SLC30A3: variants seen among roughly 807,000 people sequenced by gnomAD.
The protein encoded by SLC30A3 is probable proton-coupled zinc antiporter SLC30A3.
In SLC30A3, 20 loss-of-function variants were observed where a neutral mutation model predicts 35.6. That is an observed-to-expected ratio of 0.56 (90% CI 0.39 to 0.82). The LOEUF is 0.82. SLC30A3 is among the 40% of genes least tolerant of loss of function. The pLI is 0.00. For missense variants in SLC30A3, 401 were observed against 530.6 expected, an observed-to-expected ratio of 0.76 and a Z score of 2.40; for synonymous variants, 217 against 224.7, an observed-to-expected ratio of 0.97 and a Z score of 0.31.
At chr2:27,259,329 C>A (rs186783901) in intron 1 of SLC30A3, among the ~76,000 whole-genome samples, 8 of 152,274 alleles carry the variant, frequency 5.3e-5, no homozygotes, top group African/African-American at 1.9e-4. Flanking sequence ...CCCATCTCTA[C>A]TAAAAATGCA....
At chr2:27,272,214 A>AC (rs752130656) in intron 1 of SLC30A3, among the ~76,000 whole-genome samples, 4 of 152,128 alleles carry the variant, frequency 2.6e-5, no homozygotes, top group Admixed American at 6.5e-5. Context: ...CTCCCCTCTC[A>AC]CCTTTCTGTA....
In SLC30A3 at chr2:27,262,500, G is replaced by A. The variant is rs1044238737; in HGVS notation, c.95+312C>T. Among the ~76,000 whole-genome samples the A allele has an allele frequency of 8.6e-5, 13 of 151,976 alleles. No homozygotes were observed. Among genetic ancestry groups the A allele is most frequent in the East Asian group, 3.9e-4 (2 of 5,156 alleles). On this transcript the variant is annotated intron_variant, in intron 1 of 7. Coordinates refer to ENST00000233535, the MANE Select transcript of SLC30A3 (RefSeq NM_003459.5). This position sits in a 1 kb window ranked among gnomAD's most constrained non-coding sequence, Gnocchi z 7.5. ...ACCGGGCGAGGGCTCCGGCCCGACCGAGCGGCAGCTGCTCCCAGGGAAGGC... is the reference window on the plus strand; with the variant it reads ...ACCGGGCGAGGGCTCCGGCCCGACCAAGCGGCAGCTGCTCCCAGGGAAGGC...
At chr2:27,259,107 G>C in intron 1 of SLC30A3, 173 bp from the exon 2 acceptor site, 1 of 553,040 alleles carries the variant, frequency 1.8e-6, no homozygotes, top group East Asian at 3.1e-5. Flanking sequence ...AAATGAACAG[G>C]TCAGAGCCCA....
upstream of SLC30A3, chr2:27,263,184 A>G (rs1451213421): frequency 1.8e-5 from 16 of 900,484 alleles, no homozygotes; most frequent in Middle Eastern, 3.0e-4. Flanking sequence ...CCAAAGCCCC[A>G]TTTCCCCGCG....
At chr2:27,273,049 A>ATATAT (rs1454070626) in intron 1 of SLC30A3, among the ~76,000 whole-genome samples, 3 of 135,160 alleles carry the variant, frequency 2.2e-5, no homozygotes, top group Admixed American at 7.0e-5. Context: ...AAAAAAAAAA[A>ATATAT]AAATATATAT....
Position 27,255,229 on chromosome 2 carries a change from C to G in SLC30A3, c.*83G>C, listed in dbSNP as rs1676771003. 1.2e-6 allele frequency: 2 copies of G among 1,607,756 alleles called. No homozygotes were observed. The highest frequency in any genetic ancestry group is 1.3e-5 in the African/African-American group (1 of 74,996). On this transcript the variant is annotated 3_prime_UTR_variant, in exon 8 of 8. Coordinates refer to ENST00000233535, the MANE Select transcript of SLC30A3 (RefSeq NM_003459.5). This position sits in a 1 kb window ranked among gnomAD's most constrained non-coding sequence, Gnocchi z 5.2. ...GAAGGGGTATGGACCTGGCTCGGTC[C>G]CGTCTCTGTGATCAGGGCAGCAGAT...
At chr2:27,275,472 C>A, upstream of SLC30A3, 1 of 342,164 alleles carries the variant, frequency 2.9e-6, no homozygotes, top group Admixed American at 4.0e-5. Flanking sequence ...CAAGCGCAGT[C>A]AACTGCTGGA....
chr2:27,273,334 G>C (rs1275196726), intron 1 of SLC30A3, among the ~76,000 whole-genome samples: 1 of 152,166 alleles, frequency 6.6e-6, no homozygotes, highest in Non-Finnish European at 1.5e-5. Flanking sequence ...AGAGCCCAGA[G>C]CAAGTAGGAC....
At position 27,257,272 on chromosome 2, in the gene SLC30A3, C is replaced by T; in HGVS notation, c.659G>A (p.Gly220Glu). 6.2e-7 allele frequency: 1 copy of T among 1,614,026 alleles called. No individual in the cohort carries two copies. Among genetic ancestry groups the T allele is most frequent in the Non-Finnish European group, 8.5e-7 (1 of 1,179,964 alleles). Reference protein sequence around the residue: ...RGAEYAPLEEGPEEPLPLGNT... With the variant: ...RGAEYAPLEEEPEEPLPLGNT... Reference sequence around the variant, plus strand: ...CCCCAGGGGCAGGGGCTCTTCAGGCCCCTCCTCCAGCGGTGCATACTCTGC... The same window carrying T: ...CCCCAGGGGCAGGGGCTCTTCAGGCTCCTCCTCCAGCGGTGCATACTCTGC... The change falls in exon 5 of 8, where the codon GGG becomes GAG. Residue 220 changes from glycine (G) to glutamate (E), a missense_variant. Coordinates refer to ENST00000233535, the MANE Select transcript of SLC30A3 (RefSeq NM_003459.5). The surrounding 1 kb of genome is among the most constrained non-coding windows in gnomAD (Gnocchi z 4.7).
chr2:27,269,182 T>G (rs13028555), intron 1 of SLC30A3, among the ~76,000 whole-genome samples: 3 of 147,744 alleles, frequency 2.0e-5, no homozygotes, highest in African/African-American at 5.0e-5. Flanking sequence ...TAGAGTGTGG[T>G]TTTTTTTTTC....
Position 27,257,876 on chromosome 2 carries a change from C to T in SLC30A3, c.578+29G>A, listed in dbSNP as rs1225300603. On this transcript the variant is annotated intron_variant, in intron 4 of 7. Coordinates refer to ENST00000233535, the MANE Select transcript of SLC30A3 (RefSeq NM_003459.5). The surrounding 1 kb of genome is among the most constrained non-coding windows in gnomAD (Gnocchi z 4.7). ...GGAAGACCCCTCGCCCTGGGCCCCA[C>T]AAGGTGCCTGCTCCATACTGGGACG... 6.3e-7 allele frequency: 1 copy of T among 1,598,948 alleles called. No homozygotes were observed. Among genetic ancestry groups the T allele is most frequent in the Non-Finnish European group, 8.5e-7 (1 of 1,170,860 alleles).
intron 1 of SLC30A3, chr2:27,261,959 T>C (rs1677209112): frequency 1.3e-5 from 2 of 150,644 alleles, no homozygotes; most frequent in Admixed American, 1.3e-4. Flanking sequence ...AACAGAAAGA[T>C]TGAGAGAGGT....
At chr2:27,263,078 G>A (rs561793822), upstream of SLC30A3, 15 of 1,348,862 alleles carry the variant, frequency 1.1e-5, no homozygotes, top group Middle Eastern at 5.4e-4. Context: ...TGCAGATCCC[G>A]CTGCCGCCGG....
At chr2:27,265,705 G>A (rs1677467667), upstream of SLC30A3, among the ~76,000 whole-genome samples, 1 of 152,054 alleles carries the variant, frequency 6.6e-6, no homozygotes, top group East Asian at 1.9e-4. This position sits in a 1 kb window ranked among gnomAD's most constrained non-coding sequence, Gnocchi z 5.9. Flanking sequence ...CTTCTCTCAA[G>A]GCTCACACTG....
rs1455016710 is a variant in SLC30A3 at position 27,258,403 on chromosome 2, T to C, written c.278-96A>G. 7.7e-7 allele frequency: 1 copy of C among 1,296,730 alleles called. No individual in the cohort carries two copies. Among genetic ancestry groups the C allele is most frequent in the Non-Finnish European group, 1.0e-6 (1 of 968,280 alleles). 80.3% of individuals were successfully genotyped at this position (1,296,730 alleles called of 1,614,324 possible). On this transcript the variant is annotated intron_variant, in intron 2 of 7. Coordinates refer to ENST00000233535, the MANE Select transcript of SLC30A3 (RefSeq NM_003459.5). The surrounding 1 kb of genome is among the most constrained non-coding windows in gnomAD (Gnocchi z 4.0). The stretch of plus-strand genomic sequence containing the variant: ...TAAATTGGGGGATATACACCAAAAA[T>C]GTGATTTGGGGTTTTCTCAGGTGAT...
At chr2:27,264,236 A>T, upstream of SLC30A3, 1 of 415,120 alleles carries the variant, frequency 2.4e-6, no homozygotes, top group South Asian at 1.8e-5. The surrounding 1 kb of genome is among the most constrained non-coding windows in gnomAD (Gnocchi z 6.1). Flanking sequence ...GAAACTCATC[A>T]GCCGCATCCT....
rs776981477 is a variant in SLC30A3, at chr2:27,261,838, T to C, written c.95+974A>G. 4.1e-4 allele frequency among the ~76,000 whole-genome samples: 62 copies of C among 151,682 alleles called. 1 individual carries two copies. Among genetic ancestry groups the C allele is most frequent in the Non-Finnish European group, 7.4e-5 (5 of 67,938 alleles). On this transcript the variant is annotated intron_variant, in intron 1 of 7. Transcript: ENST00000233535. ...GCCCCTGCAGGAAGGGGTCCAGCTC[T>C]CTTCTGCTCACCCCCTCCCCCAACC...
chr2:27,263,556 A>T (rs1373422886), upstream of SLC30A3: 1 of 267,250 alleles, frequency 3.7e-6, no homozygotes, highest in Non-Finnish European at 7.8e-6. Context: ...TGGGGTCGGA[A>T]TTCACGAGCC....
chr2:27,275,047 G>C, intron 1 of SLC30A3: 1 of 450,464 alleles, frequency 2.2e-6, no homozygotes, highest in Non-Finnish European at 4.2e-6. Flanking sequence ...AGGGGCATAT[G>C]AGTTGGGTCT....
Sources: gnomAD v4.1 joint callset for allele counts (sites outside exome capture counted in the v4.1 genomes callset) on GRCh38, gnomAD v4.1.1 for gene constraint, Gnocchi (gnomAD v3.1) non-coding constraint, MANE v1.5 for transcripts, NCBI Gene and HGNC (gene_info 2026-07-23, HGNC 2026-07-21) for gene names.